PCDHGA1: variants seen among roughly 807,000 people sequenced by gnomAD.
PCDHGA1 encodes protocadherin gamma subfamily A, 1.
A neutral mutation model predicts 58.0 loss-of-function variants in PCDHGA1; 32 were observed. That is an observed-to-expected ratio of 0.55 (90% CI 0.42 to 0.74). The LOEUF (loss-of-function observed/expected upper bound fraction) is 0.74. Among genes scored for constraint, PCDHGA1 ranks in the 30% least tolerant of loss-of-function variants. The pLI, the probability that PCDHGA1 is intolerant of heterozygous loss-of-function variation, is 0.00. For missense variants in PCDHGA1, 1,205 were observed against 1,182.3 expected (o/e 1.02, Z -0.28); for synonymous variants, 498 against 501.1 (o/e 0.99, Z 0.08).
At chr5:141,355,853 G>A in intron 1 of PCDHGA1, 1 of 1,612,554 alleles carries the variant, frequency 6.2e-7, no homozygotes, top group Non-Finnish European at 8.5e-7. Context: ...TTCGATGGAG[G>A]TGACCCGGTT....
rs769885258 is a variant in PCDHGA1, at chr5:141,332,649, C to T, written c.1965C>T (p.Ser655=). Residue 655 remains serine (S), a synonymous_variant, in exon 1 of 4, where the codon TCC becomes TCT. Transcript: ENST00000517417. This position sits in a 1 kb window ranked among gnomAD's most constrained non-coding sequence, Gnocchi z 4.6. ...AVQDHGQPPL[S]ATVTLTVAVA... The stretch of plus-strand genomic sequence containing the variant: ...AGGACCACGGCCAGCCCCCGCTCTC[C>T]GCCACTGTCACGCTCACCGTGGCCG... The T allele has an allele frequency of 3.7e-6, 6 of 1,613,174 alleles. No individual in the cohort carries two copies. In the South Asian group the frequency reaches 4.4e-5, roughly 12 times the overall value.
chr5:141,463,135 C>G (rs1352400365), intron 1 of PCDHGA1, among the ~76,000 whole-genome samples: 1 of 152,128 alleles, frequency 6.6e-6, no homozygotes, highest in African/African-American at 2.4e-5. Flanking sequence ...GGCAGTTCTT[C>G]GCCCAGCTGC....
chr5:141,467,908 C>G (rs2099154038), intron 1 of PCDHGA1, among the ~76,000 whole-genome samples: 1 of 152,172 alleles, frequency 6.6e-6, no homozygotes, highest in Non-Finnish European at 1.5e-5. Flanking sequence ...ATCCGCCCAC[C>G]TCAGCCTCCC....
chr5:141,362,142 A>G lies in PCDHGA1; in HGVS notation c.2421+29037A>G, dbSNP rs536824662. ...ACCTAATCTTCGCGGATAGCCTGCA[A>G]GAGGTATTGCCAGACCTCAGCGACC... On this transcript the variant is annotated intron_variant, in intron 1 of 3. Transcript: ENST00000517417. The G allele has an allele frequency of 3.7e-6, 6 of 1,614,046 alleles. No individual in the cohort carries two copies. In the African/African-American group the frequency reaches 8.0e-5, roughly 22 times the overall value.
chr5:141,419,218 A>G, intron 1 of PCDHGA1: 1 of 1,613,940 alleles, frequency 6.2e-7, no homozygotes, highest in Non-Finnish European at 8.5e-7. Flanking sequence ...CGGTTTTCGG[A>G]CAGTCAGCCT....
chr5:141,499,582 T>C (rs952280239), intron 2 of PCDHGA1, among the ~76,000 whole-genome samples: 7 of 152,164 alleles, frequency 4.6e-5, no homozygotes, highest in African/African-American at 7.2e-5. Flanking sequence ...TAATGCCTTA[T>C]CTTGTTTCAC....
chr5:141,344,016 C>A, intron 1 of PCDHGA1: 1 of 1,513,186 alleles, frequency 6.6e-7, no homozygotes, highest in Non-Finnish European at 8.8e-7. Context: ...TCAGAGAAAG[C>A]GATTCACCGA....
chr5:141,503,528 G>A (rs1411240550), intron 2 of PCDHGA1, among the ~76,000 whole-genome samples: 2 of 151,470 alleles, frequency 1.3e-5, no homozygotes, highest in Non-Finnish European at 2.9e-5. Flanking sequence ...GAACCTGGGA[G>A]GCAGAGGTTG....
intron 1 of PCDHGA1, chr5:141,404,600 C>G (rs1406207982): frequency 6.2e-7 from 1 of 1,613,938 alleles, no homozygotes; most frequent in Non-Finnish European, 8.5e-7. Flanking sequence ...GTCATTGAGA[C>G]TGTTTGTTTT....
At chr5:141,422,723 G>T in intron 1 of PCDHGA1, 1 of 1,605,958 alleles carries the variant, frequency 6.2e-7, no homozygotes, top group South Asian at 1.1e-5. Flanking sequence ...ACTGTCCAGG[G>T]GGTGCCTCTG....
intron 1 of PCDHGA1, chr5:141,394,693 G>T (rs1310404999): frequency 1.2e-6 from 2 of 1,612,890 alleles, no homozygotes; most frequent in African/African-American, 1.3e-5. Context: ...GGCGAGGTGC[G>T]CACGGCGCGA....
chr5:141,369,589 A>G (rs1339057936), intron 1 of PCDHGA1, among the ~76,000 whole-genome samples: 1 of 152,238 alleles, frequency 6.6e-6, no homozygotes, highest in Non-Finnish European at 1.5e-5. Flanking sequence ...GCTTTTTACT[A>G]TACTTCTATT....
intron 1 of PCDHGA1, chr5:141,339,517 G>T (rs1756845950): frequency 6.2e-7 from 1 of 1,614,032 alleles, no homozygotes; most frequent in South Asian, 1.1e-5. Flanking sequence ...CCCTGGACGT[G>T]CGAAGGGGAG....
intron 1 of PCDHGA1, chr5:141,339,489 A>G: frequency 1.9e-6 from 3 of 1,614,176 alleles, no homozygotes; most frequent in Non-Finnish European, 2.5e-6. Flanking sequence ...TACGCACTCA[A>G]CCCAAATGAC....
chr5:141,448,806 G>A (rs1412164815), intron 1 of PCDHGA1, among the ~76,000 whole-genome samples: 1 of 152,008 alleles, frequency 6.6e-6, no homozygotes, highest in Admixed American at 6.5e-5. Context: ...TTAGCCAGGC[G>A]TGATGGCGGG....
chr5:141,471,789 TCATATAAAAGA>T (rs777265354), intron 1 of PCDHGA1, among the ~76,000 whole-genome samples: 14 of 152,224 alleles, frequency 9.2e-5, no homozygotes, highest in Non-Finnish European at 1.9e-4. Flanking sequence ...TTATGCTATG[TCATATAAAAGA>T]CATATAAAAG....
intron 1 of PCDHGA1, among the ~76,000 whole-genome samples, chr5:141,363,610 T>C (rs561380927): frequency 6.6e-6 from 1 of 152,382 alleles, no homozygotes; most frequent in Admixed American, 6.5e-5. Context: ...CTGTCTGAGA[T>C]AGTGGAGAGA....
At chr5:141,419,093 C>T (rs1191453038) in intron 1 of PCDHGA1, 4 of 1,613,916 alleles carry the variant, frequency 2.5e-6, no homozygotes, top group South Asian at 1.1e-5. Flanking sequence ...GGCCCTGGAT[C>T]GGGAGCAGAC....
intron 1 of PCDHGA1, among the ~76,000 whole-genome samples, chr5:141,451,365 G>C (rs557753113): frequency 2.0e-5 from 3 of 152,116 alleles, no homozygotes; most frequent in Non-Finnish European, 4.4e-5. Context: ...GGATGGATCC[G>C]CTTCTAATCT....
Sources: gnomAD v4.1 joint callset for allele counts (sites outside exome capture counted in the v4.1 genomes callset) on GRCh38, gnomAD v4.1.1 for gene constraint, Gnocchi (gnomAD v3.1) non-coding constraint, MANE v1.5 for transcripts, NCBI Gene and HGNC (gene_info 2026-07-23, HGNC 2026-07-21) for gene names.